The following PEX5L variants were observed in gnomAD, a reference collection of about 807,000 sequenced individuals.
The protein encoded by PEX5L is peroxisomal biogenesis factor 5 like, also known as PEX5-related protein.
Under a neutral mutation model 84.0 loss-of-function variants are expected in PEX5L, and 30 were observed. The ratio of observed to expected loss-of-function variants is 0.36; its 90% CI spans 0.27 to 0.48. PEX5L has a LOEUF of 0.48. PEX5L is among the 20% of genes least tolerant of loss of function. The pLI is 0.99. For missense variants in PEX5L, 533 were observed against 754.6 expected (o/e 0.71, Z 3.44); for synonymous variants, 270 against 283.1 (o/e 0.95, Z 0.46).
chr3:179,822,598 C>A (rs190805275), intron 8 of PEX5L, among the ~76,000 whole-genome samples: 2 of 152,334 alleles, frequency 1.3e-5, no homozygotes, highest in Admixed American at 6.5e-5. Context: ...ATTAACGCTG[C>A]TTCCTCTCAC....
At chr3:180,014,989 T>C (rs1340714136) in intron 1 of PEX5L, among the ~76,000 whole-genome samples, 1 of 152,186 alleles carries the variant, frequency 6.6e-6, no homozygotes, top group Non-Finnish European at 1.5e-5. Context: ...ACATAGAGCA[T>C]AAACATGAAT....
intron 8 of PEX5L, among the ~76,000 whole-genome samples, chr3:179,838,456 A>G (rs1735831198): frequency 6.6e-6 from 1 of 152,194 alleles, no homozygotes; most frequent in Non-Finnish European, 1.5e-5. Context: ...ATCAACAGTC[A>G]CTTTTTTAAA....
chr3:180,031,629 T>C (rs1306988986), intron 1 of PEX5L, among the ~76,000 whole-genome samples: 1 of 152,228 alleles, frequency 6.6e-6, no homozygotes, highest in East Asian at 1.9e-4. Flanking sequence ...ACATTTAGCG[T>C]TAGAATTGCA....
intron 1 of PEX5L, among the ~76,000 whole-genome samples, chr3:180,021,834 A>G (rs983179505): frequency 4.6e-5 from 7 of 152,226 alleles, no homozygotes; most frequent in African/African-American, 1.7e-4. Flanking sequence ...ATAGATGCTT[A>G]GTTACTTTAA....
At chr3:179,833,914 A>G (rs1263724593) in intron 8 of PEX5L, among the ~76,000 whole-genome samples, 1 of 152,178 alleles carries the variant, frequency 6.6e-6, no homozygotes, top group Non-Finnish European at 1.5e-5. Flanking sequence ...GGCTCACTGC[A>G]GCCTCAAACT....
chr3:179,926,482 T>C (rs56395499), intron 2 of PEX5L, among the ~76,000 whole-genome samples: 48,617 of 151,988 alleles, frequency 0.32, 7,960 homozygotes, highest in Non-Finnish European at 0.34. Context: ...CCTCTTTTCA[T>C]ATTCAGGTGT....
chr3:179,912,159 T>C (rs370346104), intron 2 of PEX5L, among the ~76,000 whole-genome samples: 23 of 152,276 alleles, frequency 1.5e-4, no homozygotes, highest in East Asian at 9.6e-4. Context: ...ATGCCCATAC[T>C]CTGTGTCTCA....
chr3:179,943,091 T>C (rs890809520), intron 2 of PEX5L, among the ~76,000 whole-genome samples: 11 of 152,234 alleles, frequency 7.2e-5, no homozygotes, highest in African/African-American at 2.2e-4. Context: ...ATGAACTATA[T>C]GAGTTGAATA....
chr3:179,903,533 T>C (rs1007379837), intron 2 of PEX5L, among the ~76,000 whole-genome samples: 1 of 152,154 alleles, frequency 6.6e-6, no homozygotes, highest in Non-Finnish European at 1.5e-5. Flanking sequence ...CCTGGCACGG[T>C]CTTTAGTTTT....
chr3:179,799,165 G>C lies in PEX5L; in HGVS notation c.*2663C>G, dbSNP rs149955242. 6.6e-6 allele frequency: 1 copy of C among 152,108 alleles called. No individual in the cohort carries two copies. The highest frequency in any genetic ancestry group is 2.4e-5 in the African/African-American group (1 of 41,394). 9.4% of individuals were successfully genotyped at this position (152,108 alleles called of 1,614,324 possible). A position where few individuals can be genotyped will look rare whatever the true frequency, so the allele number is the denominator to read the frequency against. On this transcript the variant is annotated 3_prime_UTR_variant, in exon 15 of 15. Coordinates refer to ENST00000467460, the MANE Select transcript of PEX5L (RefSeq NM_016559.3). ...GAACTCCTGACCTCGTGGTCTGCCC[G>C]CCTCTGCCTCCCAAAGTGCTAGGAT...
At chr3:179,874,561 A>T (rs1193259527) in intron 6 of PEX5L, 138 bp from the exon 7 acceptor site, 2 of 543,410 alleles carry the variant, frequency 3.7e-6, no homozygotes, top group African/African-American at 3.9e-5. Flanking sequence ...GATAGAGATA[A>T]GTTTCATGTA....
chr3:179,982,301 A>G (rs1440163154), intron 1 of PEX5L, among the ~76,000 whole-genome samples: 1 of 152,208 alleles, frequency 6.6e-6, no homozygotes, highest in Non-Finnish European at 1.5e-5. Context: ...TACATGCAAA[A>G]TATTGAAGTA....
chr3:179,799,039 C>T lies in PEX5L; in HGVS notation c.*2789G>A, dbSNP rs1334914511. The T allele has an allele frequency of 1.4e-5, 2 of 145,780 alleles. No individual in the cohort carries two copies. The highest frequency in any genetic ancestry group is 3.0e-5 in the Non-Finnish European group (2 of 66,198). The allele number at this position is 145,780 out of a possible 1,614,324, so 9.0% of individuals were successfully genotyped here. A position where few individuals can be genotyped will look rare whatever the true frequency, so the allele number is the denominator to read the frequency against. ...GGTTCAAGTGATTCTCCTGCCTCAG[C>T]CTCCTGAGTAGCTGGTATTACAGGT... On this transcript the variant is annotated 3_prime_UTR_variant, in exon 15 of 15. Coordinates refer to ENST00000467460, the MANE Select transcript of PEX5L (RefSeq NM_016559.3).
chr3:179,899,436 G>T (rs1760529409), intron 2 of PEX5L, among the ~76,000 whole-genome samples: 1 of 152,136 alleles, frequency 6.6e-6, no homozygotes, highest in Admixed American at 6.6e-5. Context: ...CGACATATGG[G>T]GGTCTAATAT....
chr3:180,029,983 TTTC>T (rs1460876275), intron 1 of PEX5L, among the ~76,000 whole-genome samples: 1 of 152,142 alleles, frequency 6.6e-6, no homozygotes, highest in African/African-American at 2.4e-5. Context: ...TGTTTTAATT[TTTC>T]TTCTTTCTCA....
At chr3:180,025,459 A>C (rs558154644) in intron 1 of PEX5L, among the ~76,000 whole-genome samples, 1 of 152,366 alleles carries the variant, frequency 6.6e-6, no homozygotes, top group South Asian at 2.1e-4. Context: ...GAGACTGACA[A>C]AAATAAATAA....
chr3:179,816,674 C>T (rs531379255), intron 9 of PEX5L, among the ~76,000 whole-genome samples: 1 of 152,156 alleles, frequency 6.6e-6, no homozygotes, highest in African/African-American at 2.4e-5. Context: ...CACCATGGCA[C>T]GTGTATACCT....
intron 3 of PEX5L, among the ~76,000 whole-genome samples, chr3:179,890,129 T>C (rs1293400434): frequency 1.3e-5 from 2 of 152,166 alleles, no homozygotes; most frequent in African/African-American, 2.4e-5. Flanking sequence ...CTTTTAACCA[T>C]ATGTGCTTAA....
intron 2 of PEX5L, among the ~76,000 whole-genome samples, chr3:179,910,549 T>C (rs1020851160): frequency 6.6e-6 from 1 of 152,190 alleles, no homozygotes; most frequent in Non-Finnish European, 1.5e-5. Context: ...ATTTGGAAAA[T>C]AATCCTGTAC....
Sources: gnomAD v4.1 joint callset for allele counts (sites outside exome capture counted in the v4.1 genomes callset) on GRCh38, gnomAD v4.1.1 for gene constraint, MANE v1.5 for transcripts, NCBI Gene and HGNC (gene_info 2026-07-23, HGNC 2026-07-21) for gene names.